The following PSME4 variants were observed in gnomAD, a reference collection of about 807,000 sequenced individuals.
The protein encoded by PSME4 is proteasome activator complex subunit 4.
A neutral mutation model predicts 253.9 loss-of-function variants in PSME4; 89 were observed. The observed-to-expected ratio is 0.35, with a 90% CI of 0.30 to 0.42. PSME4 has a LOEUF of 0.42. PSME4 is among the 10% of genes least tolerant of loss of function. The pLI, the probability that PSME4 is intolerant of heterozygous loss-of-function variation, is 1.00. For missense variants in PSME4, 2,014 were observed against 2,195.2 expected (o/e 0.92, Z 1.65); for synonymous variants, 851 against 759.2 (o/e 1.12, Z -1.99).
chr2:53,871,941 G>A (rs769511887), intron 43 of PSME4, among the ~76,000 whole-genome samples: 16 of 152,122 alleles, frequency 1.1e-4, no homozygotes, highest in African/African-American at 3.4e-4. Context: ...TTCAACCCAG[G>A]GGGCAGAGGT....
chr2:53,965,670 G>T (rs1391402279), intron 1 of PSME4, among the ~76,000 whole-genome samples: 21 of 139,324 alleles, frequency 1.5e-4, no homozygotes, highest in Admixed American at 4.3e-4. Context: ...GTGTTTTTTT[G>T]TTTTTTTTTT....
chr2:53,936,527 T>C (rs905418310), intron 6 of PSME4, among the ~76,000 whole-genome samples: 5 of 152,162 alleles, frequency 3.3e-5, no homozygotes, highest in African/African-American at 7.2e-5. Context: ...TTACAATACA[T>C]GCTTATACTC....
chr2:53,942,869 C>G (rs1393446943), intron 3 of PSME4, among the ~76,000 whole-genome samples: 1 of 152,182 alleles, frequency 6.6e-6, no homozygotes, highest in African/African-American at 2.4e-5. Context: ...AAAGAGAGTT[C>G]TTGTCCCAGT....
At chr2:53,909,081 A>T (rs946719941) in intron 21 of PSME4, among the ~76,000 whole-genome samples, 1 of 152,084 alleles carries the variant, frequency 6.6e-6, no homozygotes, top group East Asian at 1.9e-4. Flanking sequence ...ATAATAATAA[A>T]AAATAGATAA....
intron 41 of PSME4, among the ~76,000 whole-genome samples, chr2:53,885,185 T>G (rs1437230795): frequency 3.9e-5 from 6 of 152,208 alleles, no homozygotes; most frequent in Non-Finnish European, 8.8e-5. Context: ...GATGATTAGA[T>G]AAAACCACCT....
At chr2:53,883,292 C>A (rs1679481044) in intron 41 of PSME4, among the ~76,000 whole-genome samples, 1 of 152,052 alleles carries the variant, frequency 6.6e-6, no homozygotes, top group African/African-American at 2.4e-5. Context: ...GGTGGGAGGA[C>A]CATTGGAGAC....
intron 20 of PSME4, among the ~76,000 whole-genome samples, chr2:53,915,601 C>T (rs952332718): frequency 3.3e-5 from 5 of 151,558 alleles, no homozygotes; most frequent in African/African-American, 1.2e-4. Flanking sequence ...AAGAAGTAAA[C>T]TAAGCTTCTA....
chr2:53,887,218 A>G, intron 40 of PSME4, 41 bp downstream of exon 40: 1 of 1,514,720 alleles, frequency 6.6e-7, no homozygotes, highest in Middle Eastern at 1.7e-4. Flanking sequence ...ATAATCAAAT[A>G]GATGTTTTCA....
intron 14 of PSME4, 70 bp downstream of exon 14, chr2:53,925,467 CTT>C: frequency 1.5e-6 from 2 of 1,333,920 alleles, no homozygotes; most frequent in Non-Finnish European, 2.0e-6. Context: ...CACAAAGTAA[CTT>C]GAAGTCAATT....
intron 14 of PSME4, among the ~76,000 whole-genome samples, chr2:53,925,222 T>C (rs1411699849): frequency 6.6e-6 from 1 of 152,204 alleles, no homozygotes; most frequent in Non-Finnish European, 1.5e-5. Context: ...GTTGTTTAAG[T>C]GGAGCTGGAT....
intron 10 of PSME4, 73 bp downstream of exon 10, chr2:53,931,762 G>A: frequency 2.0e-6 from 3 of 1,489,386 alleles, no homozygotes; most frequent in Non-Finnish European, 2.7e-6. Context: ...AGCCACAGAG[G>A]AGAAAAGAGA....
intron 43 of PSME4, among the ~76,000 whole-genome samples, chr2:53,873,238 C>CCAAAAAAAAAAAAAAAAA (rs1678972889): frequency 8.1e-6 from 1 of 123,154 alleles, no homozygotes; most frequent in Non-Finnish European, 1.6e-5. Flanking sequence ...GACTCCGTCT[C>CCAAAAAAAAAAAAAAAAA]AAAAAAAAAG....
At chr2:53,940,735 C>CT (rs1293430418) in intron 3 of PSME4, among the ~76,000 whole-genome samples, 1 of 149,310 alleles carries the variant, frequency 6.7e-6, no homozygotes, top group Non-Finnish European at 1.5e-5. Context: ...TGCAAACAAA[C>CT]AATATAAACA....
intron 14 of PSME4, among the ~76,000 whole-genome samples, chr2:53,924,919 C>G (rs1225761016): frequency 6.6e-6 from 1 of 152,172 alleles, no homozygotes. Flanking sequence ...ATCAACTGAT[C>G]AATACATAAT....
intron 32 of PSME4, 84 bp downstream of exon 32, chr2:53,896,720 G>C: frequency 9.9e-7 from 1 of 1,010,078 alleles, no homozygotes; most frequent in East Asian, 2.4e-5. Flanking sequence ...AATATTTGAG[G>C]TCAAGAACTA....
chr2:53,936,122 T>C lies in PSME4; in HGVS notation c.799A>G (p.Ile267Val), dbSNP rs756398379. Residue 267 changes from isoleucine to valine, a missense_variant, in exon 7 of 47, where the codon ATA (isoleucine) becomes GTA (valine). Ile to Val is a conservative substitution (Grantham distance 29, BLOSUM62 3). Around this residue, in one of 4 missense-constraint regions of PSME4, gnomAD observed 615 missense variants for 594.4 expected, o/e 1.03. Transcript: ENST00000404125. ...TATGGATCCCAATCTATGTACCCTA[T>C]ATTATCTGTAGCCAATCGAGCAAAG... ...NLFARLATDN[I>V]GYIDWDPYVP... The C allele has an allele frequency of 2.5e-6, 4 of 1,613,612 alleles. No individual in the cohort carries two copies. Among genetic ancestry groups the C allele is most frequent in the East Asian group, 4.5e-5 (2 of 44,842 alleles).
chr2:53,920,123 C>G (rs768537792), intron 19 of PSME4, 70 bp downstream of exon 19: 28 of 1,336,206 alleles, frequency 2.1e-5, no homozygotes, highest in Non-Finnish European at 2.7e-5. Context: ...ATGAGATATG[C>G]CACAGATAAA....
intron 29 of PSME4, among the ~76,000 whole-genome samples, 156 bp downstream of exon 29, chr2:53,899,725 T>C (rs895554880): frequency 1.3e-5 from 2 of 151,844 alleles, no homozygotes; most frequent in South Asian, 2.1e-4. Context: ...GGCTGACGCA[T>C]GAGAAGAGCT....
At chr2:53,902,549 A>G (rs1225147975) in intron 27 of PSME4, among the ~76,000 whole-genome samples, 1 of 152,140 alleles carries the variant, frequency 6.6e-6, no homozygotes, top group Non-Finnish European at 1.5e-5. Flanking sequence ...GATCTAATAG[A>G]TATTTTTCTG....
Sources: gnomAD v4.1 joint callset for allele counts (sites outside exome capture counted in the v4.1 genomes callset) on GRCh38, gnomAD v4.1.1 for gene constraint, gnomAD v4.1.1 regional missense constraint, MANE v1.5 for transcripts, NCBI Gene and HGNC (gene_info 2026-07-23, HGNC 2026-07-21) for gene names.